Variants in BRSK2 observed in about 807,000 individuals in gnomAD.
BRSK2 encodes serine/threonine-protein kinase BRSK2.
In BRSK2, 19 loss-of-function variants were observed where a neutral mutation model predicts 83.3. The observed-to-expected ratio is 0.23, with a 90% CI of 0.16 to 0.33. BRSK2 has a LOEUF of 0.33. Among genes scored for constraint, BRSK2 ranks in the 10% least tolerant of loss-of-function variants. The pLI, the probability that BRSK2 is intolerant of heterozygous loss-of-function variation, is 1.00. For missense variants in BRSK2, 798 were observed against 1,042.3 expected (o/e 0.77, Z 3.23); for synonymous variants, 519 against 435.4 (o/e 1.19, Z -2.39).
In BRSK2 at chr11:1,460,739, C is replaced by CCA. The variant is rs1554922247; in HGVS notation, c.*17_*18insAC. 23 of 1,410,370 alleles carry CCA rather than the reference C, an allele frequency of 1.6e-5. No individual in the cohort carries two copies. Among genetic ancestry groups the CCA allele is most frequent in the South Asian group, 2.9e-5 (2 of 69,382 alleles). The allele number at this position is 1,410,370 out of a possible 1,614,324, so 87.4% of individuals were successfully genotyped here. A position where few individuals can be genotyped will look rare whatever the true frequency, so the allele number is the denominator to read the frequency against. ...GCAGCCTTAGACACACTAGCCCCCCCCCCCAGCACAGCACTGACAGCGGCT... is the reference window on the plus strand; with the variant it reads ...GCAGCCTTAGACACACTAGCCCCCCCCACCCCAGCACAGCACTGACAGCGGCT... On this transcript the variant is annotated 3_prime_UTR_variant, in exon 20 of 20. Coordinates refer to ENST00000528841, the MANE Select transcript of BRSK2 (RefSeq NM_001256627.2).
At chr11:1,433,336 C>G (rs1275570433) in intron 1 of BRSK2, among the ~76,000 whole-genome samples, 2 of 152,256 alleles carry the variant, frequency 1.3e-5, no homozygotes, top group African/African-American at 2.4e-5. Context: ...CCTGCACCCT[C>G]ATGATGCCCT....
intron 1 of BRSK2, among the ~76,000 whole-genome samples, chr11:1,398,848 G>A (rs969630516): frequency 6.6e-6 from 1 of 152,138 alleles, no homozygotes; most frequent in South Asian, 2.1e-4. Context: ...CTTGGTAGGC[G>A]CCAGGAGATG....
At chr11:1,405,591 G>A (rs1257657100) in intron 1 of BRSK2, among the ~76,000 whole-genome samples, 1 of 152,070 alleles carries the variant, frequency 6.6e-6, no homozygotes, top group East Asian at 1.9e-4. Context: ...GGTCTGGGAT[G>A]GGGGACCGAC....
At chr11:1,457,291 G>A (rs942506927) in intron 18 of BRSK2, among the ~76,000 whole-genome samples, 1 of 152,194 alleles carries the variant, frequency 6.6e-6, no homozygotes, top group South Asian at 2.1e-4. Flanking sequence ...GCTGCCTGAC[G>A]GGCTGTGACT....
intron 3 of BRSK2, among the ~76,000 whole-genome samples, chr11:1,439,618 C>G (rs1020736092): frequency 6.6e-6 from 1 of 152,070 alleles, no homozygotes; most frequent in Admixed American, 6.5e-5. Context: ...TGGCCGGGCT[C>G]GCGGCTTCTC....
rs890076219 is a variant in BRSK2, at chr11:1,458,957, C to T, written c.1940-235C>T. The stretch of plus-strand genomic sequence containing the variant: ...GGTCCGGCTGCTGCCCAGGTGGCTC[C>T]GCCTTGTTCCCTGCCTCCGCAGCCC... On this transcript the variant is annotated intron_variant, in intron 18 of 19. Coordinates refer to ENST00000528841, the MANE Select transcript of BRSK2 (RefSeq NM_001256627.2). Among the ~76,000 whole-genome samples the T allele has an allele frequency of 5.9e-5, 9 of 152,140 alleles. No individual in the cohort carries two copies. In the East Asian group the frequency reaches 1.2e-3, roughly 20 times the overall value.
At position 1,393,249 on chromosome 11, in the gene BRSK2, G is replaced by A. The variant is rs760849670; in HGVS notation, c.91+2874G>A. On this transcript the variant is annotated intron_variant, in intron 1 of 19. Transcript: ENST00000528841. ...GGCTGGGTGGCTTTTGTCCCTGCGC[G>A]CCTTTGTCCCTGTGCCCCATCAGTA... is the stretch of plus-strand genomic sequence containing the variant. Among the ~76,000 whole-genome samples, 93 of 136,006 alleles carry A rather than the reference G, an allele frequency of 6.8e-4. 1 individual carries two copies. Among genetic ancestry groups the A allele is most frequent in the African/African-American group, 2.4e-3 (89 of 36,876 alleles). The allele number at this position is 136,006 out of a possible 152,430, so 89.2% of individuals were successfully genotyped here.
rs1164106250 is a variant in BRSK2 at position 1,446,046 on chromosome 11, AGCTGGGCTGGGCTGGGCTGGGCTTG to A, written c.1226+158_1226+182del. 5.9e-4 allele frequency: 555 copies of A among 940,760 alleles called. 4 individuals are homozygous for A. The African/African-American group carries it at 9.0e-3, about 15-fold the overall frequency. 58.3% of individuals were successfully genotyped at this position (940,760 alleles called of 1,614,324 possible). Reference sequence around the variant, plus strand: ...GGGCTGTATGGGCTAAACTGGGCTTAGCTGGGCTGGGCTGGGCTGGGCTTGGCTGGGCTGGGCTGGGCTTAGCTGG... The same window carrying A: ...GGGCTGTATGGGCTAAACTGGGCTTAGCTGGGCTGGGCTGGGCTTAGCTGG... On this transcript the variant is annotated intron_variant, in intron 12 of 19. Transcript: ENST00000528841.
chr11:1,447,282 C>T (rs747326699), intron 12 of BRSK2, among the ~76,000 whole-genome samples: 10 of 152,204 alleles, frequency 6.6e-5, no homozygotes, highest in Non-Finnish European at 1.0e-4. Flanking sequence ...CTCCTGCCTG[C>T]GTGGCCACCT....
chr11:1,421,294 GC>G (rs1470873789), intron 1 of BRSK2, among the ~76,000 whole-genome samples: 2 of 152,176 alleles, frequency 1.3e-5, no homozygotes, highest in Non-Finnish European at 2.9e-5. Context: ...CTGCAGTCTG[GC>G]CCTGGCTCAG....
chr11:1,449,284 C>T (rs972047607), intron 12 of BRSK2, among the ~76,000 whole-genome samples: 1 of 152,208 alleles, frequency 6.6e-6, no homozygotes, highest in African/African-American at 2.4e-5. Flanking sequence ...TGGTTGTGGA[C>T]AAGGGAAGGG....
At chr11:1,408,386 G>A (rs7941517) in intron 1 of BRSK2, among the ~76,000 whole-genome samples, 62,827 of 152,132 alleles carry the variant, frequency 0.41, 13,686 homozygotes, top group Non-Finnish European at 0.46. Context: ...GAAGTCCAGC[G>A]TCCAGCCCCA....
intron 1 of BRSK2, chr11:1,410,800 C>T (rs779498730): frequency 1.6e-4 from 159 of 985,290 alleles, no homozygotes; most frequent in Non-Finnish European, 1.6e-4. Context: ...GTGGCCCCCC[C>T]GCCACCCGGC....
chr11:1,429,455 CATGT>C (rs1422452760), intron 1 of BRSK2, among the ~76,000 whole-genome samples: 1 of 152,164 alleles, frequency 6.6e-6, no homozygotes, highest in African/African-American at 2.4e-5. Flanking sequence ...TACACAGGTG[CATGT>C]CTGTGTGCGT....
intron 8 of BRSK2, among the ~76,000 whole-genome samples, chr11:1,444,600 CCAGCCCAGG>C (rs1407396231): frequency 6.6e-6 from 1 of 152,068 alleles, no homozygotes; most frequent in African/African-American, 2.4e-5. Context: ...ACGGAGGGGC[CCAGCCCAGG>C]CAGCACAGGC....
chr11:1,419,651 C>T (rs1848456745), intron 1 of BRSK2, among the ~76,000 whole-genome samples: 1 of 152,240 alleles, frequency 6.6e-6, no homozygotes, highest in African/African-American at 2.4e-5. Context: ...TGGCTCACGC[C>T]TGTAATCCCA....
chr11:1,451,468 C>T (rs376132769), intron 15 of BRSK2, 49 bp downstream of exon 15: 409 of 1,594,148 alleles, frequency 2.6e-4, no homozygotes, highest in Non-Finnish European at 3.2e-4. Flanking sequence ...CCAGGCTGGC[C>T]GGGAGAGGGG....
intron 4 of BRSK2, among the ~76,000 whole-genome samples, chr11:1,442,015 AGTGCACCAT>A (rs1851404100): frequency 9.6e-6 from 1 of 104,324 alleles, no homozygotes; most frequent in African/African-American, 4.0e-5. Flanking sequence ...CTACCTCTCA[AGTGCACCAT>A]GTGCACCAGG....
intron 1 of BRSK2, among the ~76,000 whole-genome samples, chr11:1,395,626 C>T (rs1846026285): frequency 6.6e-6 from 1 of 152,224 alleles, no homozygotes; most frequent in South Asian, 2.1e-4. Flanking sequence ...CTGGGCACCT[C>T]AGGTGTGTGT....
Sources: allele counts gnomAD v4.1 joint callset (sites outside exome capture counted in the v4.1 genomes callset), GRCh38; gene constraint gnomAD v4.1.1; transcripts MANE v1.5; gene names NCBI Gene and HGNC (gene_info 2026-07-23, HGNC 2026-07-21).